ANKEF1: variants seen among roughly 807,000 people sequenced by gnomAD.
ANKEF1 encodes ankyrin repeat and EF-hand domain-containing protein 1.
Under a neutral mutation model 65.1 loss-of-function variants are expected in ANKEF1, and 43 were observed. The observed-to-expected ratio is 0.66, with a 90% CI of 0.52 to 0.85. The LOEUF is 0.85. Among genes scored for constraint, ANKEF1 ranks in the 40% least tolerant of loss-of-function variants. The pLI is 0.00. For missense variants in ANKEF1, 934 were observed against 952.9 expected (o/e 0.98, Z 0.26); for synonymous variants, 316 against 341.5 (o/e 0.93, Z 0.82).
chr20:10,057,960 T>G lies in ANKEF1; in HGVS notation c.*2300T>G, dbSNP rs996438431. On this transcript the variant is annotated 3_prime_UTR_variant, in exon 11 of 11. Transcript: ENST00000378392. ...CAAGCCACTTTTATCTTGTAAAATG[T>G]CTCTCAACTTTGGTTTGTCTTAAAT... 2 of 152,184 alleles carry G rather than the reference T, an allele frequency of 1.3e-5. No individual in the cohort carries two copies. The highest frequency in any genetic ancestry group is 2.9e-5 in the Non-Finnish European group (2 of 68,028). The allele number at this position is 152,184 out of a possible 1,614,324, so 9.4% of individuals were successfully genotyped here.
Position 10,056,165 on chromosome 20 carries a change from G to A in ANKEF1, c.*505G>A, listed in dbSNP as rs188416575. 6.5e-6 allele frequency: 1 copy of A among 153,436 alleles called. No homozygotes were observed. Among genetic ancestry groups the A allele is most frequent in the Non-Finnish European group, 1.4e-5 (1 of 69,008 alleles). 9.5% of individuals were successfully genotyped at this position (153,436 alleles called of 1,614,324 possible). On this transcript the variant is annotated 3_prime_UTR_variant, in exon 11 of 11. Coordinates refer to ENST00000378392, the MANE Select transcript of ANKEF1 (RefSeq NM_022096.6). ...AGTGGAAATTGATGAAACAATTTAGGTTTTGGAAAAAGAAGTAATATTTAA... is the reference window on the plus strand; with the variant it reads ...AGTGGAAATTGATGAAACAATTTAGATTTTGGAAAAAGAAGTAATATTTAA...
intron 6 of ANKEF1, among the ~76,000 whole-genome samples, chr20:10,047,446 A>G (rs1467133755): frequency 6.6e-6 from 1 of 152,146 alleles, no homozygotes; most frequent in East Asian, 1.9e-4. Context: ...GCAGGAAGAA[A>G]CCCTTAGTGA....
chr20:10,055,727 T>C lies in ANKEF1; in HGVS notation c.*67T>C. The C allele has an allele frequency of 6.4e-7, 1 of 1,559,806 alleles. No individual in the cohort carries two copies. Among genetic ancestry groups the C allele is most frequent in the Non-Finnish European group, 8.8e-7 (1 of 1,136,518 alleles). ...GGGACCAATCTTTGGAGAAAGTAGATATTTCCATCAAAGCCAAAGCAATCC... is the reference window on the plus strand; with the variant it reads ...GGGACCAATCTTTGGAGAAAGTAGACATTTCCATCAAAGCCAAAGCAATCC... On this transcript the variant is annotated 3_prime_UTR_variant, in exon 11 of 11. Transcript: ENST00000378392.
chr20:10,050,088 T>G lies in ANKEF1; in HGVS notation c.1519T>G (p.Ser507Ala). The change falls in exon 7 of 11, where the codon TCT becomes GCT. Residue 507 changes from serine to alanine, a missense_variant. Transcript: ENST00000378392. ...TATCACCAAAGCAGGGGATCTGGCT[T>G]CTCTGAAAAAGGCCTTTGAATCAGG... ...NIITKAGDLA[S>A]LKKAFESGIP... 15 of 1,614,150 alleles carry G rather than the reference T, an allele frequency of 9.3e-6. No individual in the cohort carries two copies. Among genetic ancestry groups the G allele is most frequent in the Non-Finnish European group, 1.3e-5 (15 of 1,180,008 alleles).
chr20:10,037,401 T>C (rs1030153011), intron 2 of ANKEF1, among the ~76,000 whole-genome samples: 7 of 152,164 alleles, frequency 4.6e-5, no homozygotes, highest in Admixed American at 2.0e-4. Context: ...CTCATAGTTC[T>C]GGATGATGGG....
At chr20:10,039,906 CTA>C (rs1342968023) in intron 3 of ANKEF1, among the ~76,000 whole-genome samples, 1 of 151,844 alleles carries the variant, frequency 6.6e-6, no homozygotes, top group African/African-American at 2.4e-5. Flanking sequence ...TTGGGAAACA[CTA>C]TAATAGAGAA....
At position 10,038,555 on chromosome 20, in the gene ANKEF1, C is replaced by T. The variant is rs754856631; in HGVS notation, c.254C>T (p.Thr85Ile). The T allele has an allele frequency of 2.5e-6, 4 of 1,614,176 alleles. No individual in the cohort carries two copies. In the South Asian group the frequency reaches 4.4e-5, roughly 18 times the overall value. The change falls in exon 3 of 11, where the codon ACA (threonine) becomes ATA (isoleucine). Residue 85 changes from threonine (T) to isoleucine (I), a missense_variant. By Grantham distance (89) the Thr-to-Ile change is moderately conservative. Transcript: ENST00000378392. The part of the protein sequence containing the change: ...DVQDRMGCTP[T>I]MRAAELGHEL... Reference sequence around the variant, plus strand: ...CAAGACCGAATGGGCTGTACTCCCACAATGAGGGCTGCAGAACTGGGCCAT... The same window carrying T: ...CAAGACCGAATGGGCTGTACTCCCATAATGAGGGCTGCAGAACTGGGCCAT...
chr20:10,048,912 A>G (rs1475024964), intron 6 of ANKEF1, among the ~76,000 whole-genome samples: 1 of 152,232 alleles, frequency 6.6e-6, no homozygotes. Flanking sequence ...GAATACGGAA[A>G]AAATATACTT....
chr20:10,045,767 T>C, intron 6 of ANKEF1, 70 bp downstream of exon 6: 7 of 1,560,362 alleles, frequency 4.5e-6, no homozygotes, highest in Non-Finnish European at 6.1e-6. Flanking sequence ...AGCAGAGAAT[T>C]TGGGCCTATC....
rs148551222 is a variant in ANKEF1, at chr20:10,049,969, G to A, written c.1400G>A (p.Arg467Gln). 3.1e-4 allele frequency: 497 copies of A among 1,614,086 alleles called. No individual in the cohort carries two copies. Among genetic ancestry groups the A allele is most frequent in the Non-Finnish European group, 3.9e-4 (458 of 1,179,992 alleles). Reference protein sequence around the residue: ...ETYKNVTDSSRFNRDHPPEHP... With the variant: ...ETYKNVTDSSQFNRDHPPEHP... ...TACAAGAATGTCACTGATAGCAGCC[G>A]GTTTAATAGAGATCATCCCCCAGAA... Residue 467 changes from arginine (R) to glutamine (Q), a missense_variant, in exon 7 of 11, where the codon CGG (arginine) becomes CAG (glutamine). Physicochemically the swap from Arg to Gln is conservative, Grantham distance 43. Coordinates refer to ENST00000378392, the MANE Select transcript of ANKEF1 (RefSeq NM_022096.6).
chr20:10,047,573 C>T (rs1473109688), intron 6 of ANKEF1, among the ~76,000 whole-genome samples: 1 of 152,166 alleles, frequency 6.6e-6, no homozygotes, highest in African/African-American at 2.4e-5. Context: ...CCTCTTTCGC[C>T]CCCTCGTCCC....
chr20:10,050,741 G>T (rs949541903), intron 7 of ANKEF1, among the ~76,000 whole-genome samples: 1 of 152,130 alleles, frequency 6.6e-6, no homozygotes, highest in Non-Finnish European at 1.5e-5. Flanking sequence ...TGGCAGCACG[G>T]CTCAGTCCTG....
intron 3 of ANKEF1, among the ~76,000 whole-genome samples, chr20:10,038,874 A>G (rs1256252647): frequency 6.6e-6 from 1 of 152,208 alleles, no homozygotes; most frequent in Non-Finnish European, 1.5e-5. Context: ...ATATACTTAG[A>G]TTAATTTGTG....
chr20:10,053,140 AT>A lies in ANKEF1; in HGVS notation c.1900del (p.Tyr634MetfsTer6). The part of the protein sequence containing the change: ...GHSAMDVAKA[Y>X]ADYRIIDLIK... ...ATAGTGCCATGGACGTTGCAAAGGCATATGCTGATTATAGAATAATTGATCT... is the reference window on the plus strand; with the variant it reads ...ATAGTGCCATGGACGTTGCAAAGGCAATGCTGATTATAGAATAATTGATCT... On this transcript the variant is annotated frameshift_variant, in exon 9 of 11. Transcript: ENST00000378392. LOFTEE classifies it high-confidence loss of function. 1 of 1,608,654 alleles carries A rather than the reference AT, an allele frequency of 6.2e-7. No individual in the cohort carries two copies. Among genetic ancestry groups the A allele is most frequent in the Middle Eastern group, 1.7e-4 (1 of 6,002 alleles).
Position 10,051,669 on chromosome 20 carries a change from C to A in ANKEF1, c.1650C>A (p.Asn550Lys). 1.2e-6 allele frequency: 2 copies of A among 1,612,172 alleles called. No individual in the cohort carries two copies. The highest frequency in any genetic ancestry group is 1.7e-6 in the Non-Finnish European group (2 of 1,178,656). The change falls in exon 8 of 11, where the codon AAC becomes AAA. Residue 550 changes from asparagine to lysine, a missense_variant. Physicochemically the swap from Asn to Lys is moderately conservative, Grantham distance 94 (BLOSUM62 0). Transcript: ENST00000378392. ...VVKFLLEKGA[N>K]VNATDNFLWT... is the part of the protein sequence containing the mutation. Reference sequence around the variant, plus strand: ...CATCTATCTTATTTTACAGAGCTAACGTTAATGCAACAGATAACTTTCTGT... The same window carrying A: ...CATCTATCTTATTTTACAGAGCTAAAGTTAATGCAACAGATAACTTTCTGT...
rs746599255 is a variant in ANKEF1 at position 10,043,322 on chromosome 20, G to A, written c.546+1G>A. On this transcript the variant is annotated splice_donor_variant, in intron 4 of 10. Coordinates refer to ENST00000378392, the MANE Select transcript of ANKEF1 (RefSeq NM_022096.6). LOFTEE classifies it high-confidence loss of function. ...AGCCAATCCTAATGCAATCAACTCA[G>A]TATGGCTATTCTTGTGATTACAAAT... is the stretch of plus-strand genomic sequence containing the variant. 5.6e-6 allele frequency: 9 copies of A among 1,613,104 alleles called. No individual in the cohort carries two copies. The highest frequency in any genetic ancestry group is 1.7e-4 in the Middle Eastern group (1 of 5,750).
intron 6 of ANKEF1, among the ~76,000 whole-genome samples, chr20:10,046,011 C>CAAAG (rs775111470): frequency 7.9e-5 from 12 of 152,098 alleles, no homozygotes; most frequent in Non-Finnish European, 1.3e-4. Context: ...TGGCTCATGC[C>CAAAG]TGTAATCCCA....
intron 8 of ANKEF1, among the ~76,000 whole-genome samples, chr20:10,052,161 G>GA (rs774747083): frequency 2.8e-4 from 42 of 151,742 alleles, no homozygotes; most frequent in Non-Finnish European, 5.6e-4. Flanking sequence ...AAAATAAAAT[G>GA]AAAAAAATAC....
rs1016890112 is a variant in ANKEF1, at chr20:10,058,005, G to A, written c.*2345G>A. 2 of 152,140 alleles carry A rather than the reference G, an allele frequency of 1.3e-5. No homozygotes were observed. The highest frequency in any genetic ancestry group is 2.9e-5 in the Non-Finnish European group (2 of 68,018). The allele number at this position is 152,140 out of a possible 1,614,324, so 9.4% of individuals were successfully genotyped here. Reference sequence around the variant, plus strand: ...TTAAATGTCTTCAAGAATAGATTCAGGTGATGCTTTTGGGGCAGCAGTGCT... The same window carrying A: ...TTAAATGTCTTCAAGAATAGATTCAAGTGATGCTTTTGGGGCAGCAGTGCT... On this transcript the variant is annotated 3_prime_UTR_variant, in exon 11 of 11. Transcript: ENST00000378392.
Sources: allele counts gnomAD v4.1 joint callset (sites outside exome capture counted in the v4.1 genomes callset), GRCh38; gene constraint gnomAD v4.1.1; transcripts MANE v1.5; gene names NCBI Gene and HGNC (gene_info 2026-07-23, HGNC 2026-07-21).